DMD: variants seen among roughly 807,000 people sequenced by gnomAD.
The protein encoded by DMD is dystrophin, also known as mutant dystrophin.
In DMD, 63 loss-of-function variants were observed where a neutral mutation model predicts 330.1. That is an observed-to-expected ratio of 0.19 (90% CI 0.16 to 0.24). The LOEUF (loss-of-function observed/expected upper bound fraction) is 0.24. Among genes scored for constraint, DMD ranks in the 10% least tolerant of loss-of-function variants. The pLI, the probability that DMD is intolerant of heterozygous loss-of-function variation, is 1.00. For synonymous variants in DMD, 1,223 were observed against 959.8 expected (o/e 1.27, Z -5.07); for missense variants, 3,344 against 2,684.1 (o/e 1.25, Z -5.43).
At chrX:32,524,641 G>A (rs992451085) in intron 17 of DMD, among the ~76,000 whole-genome samples, 1 of 112,406 alleles carries the variant, frequency 8.9e-6, no homozygotes, top group Non-Finnish European at 1.9e-5. Flanking sequence ...CATGGTAACT[G>A]TCTGTTTGCT....
chrX:32,543,330 CTT>C (rs756531179), intron 17 of DMD, among the ~76,000 whole-genome samples: 1 of 103,763 alleles, frequency 9.6e-6, no homozygotes, highest in African/African-American at 3.5e-5. Flanking sequence ...TCAGAACACA[CTT>C]TTTTTTTTTT....
In DMD at chrX:31,519,953, A is replaced by G. The variant is rs147472280; in HGVS notation, c.8218-12500T>C. Among the ~76,000 whole-genome samples the G allele has an allele frequency of 1.1e-4, 12 of 111,402 alleles. No individual in the cohort carries two copies. In the East Asian group the frequency reaches 3.1e-3, roughly 29 times the overall value. ...TGTGCCTAGATAGTTCTTTCATCCT[A>G]TTTTGCTTTTCTTCTCTTATACAAT... On this transcript the variant is annotated intron_variant, in intron 55 of 78. Transcript: ENST00000357033.
At chrX:32,740,654 C>G (rs1296785399) in intron 7 of DMD, among the ~76,000 whole-genome samples, 1 of 111,104 alleles carries the variant, frequency 9.0e-6, no homozygotes, top group South Asian at 3.8e-4. Flanking sequence ...CAAAATTGGC[C>G]TCGAATCTCA....
At chrX:31,381,917 G>A (rs906147467) in intron 60 of DMD, among the ~76,000 whole-genome samples, 6 of 111,261 alleles carry the variant, frequency 5.4e-5, no homozygotes, top group Non-Finnish European at 9.4e-5. Context: ...ATTTGCCCCC[G>A]CCCAGGACTG....
At chrX:33,139,440 A>G (rs192507497) in intron 1 of DMD, among the ~76,000 whole-genome samples, 35 of 111,216 alleles carry the variant, frequency 3.1e-4, no homozygotes, top group African/African-American at 1.1e-3. Flanking sequence ...TCTGTCTCCC[A>G]AGTAGCTGAG....
At chrX:32,486,849 T>C (rs746878195) in intron 20 of DMD, among the ~76,000 whole-genome samples, 2 of 105,930 alleles carry the variant, frequency 1.9e-5, no homozygotes, top group Admixed American at 2.1e-4. Context: ...CAAAAATCAA[T>C]TCAAGATGGA....
intron 44 of DMD, among the ~76,000 whole-genome samples, chrX:32,197,865 G>C (rs1415940898): frequency 2.7e-5 from 3 of 111,000 alleles, no homozygotes; most frequent in Non-Finnish European, 5.7e-5. Context: ...GACTCTCTTA[G>C]TAATTTTCGA....
At chrX:32,759,817 T>C (rs749992609) in intron 7 of DMD, among the ~76,000 whole-genome samples, 2 of 82,663 alleles carry the variant, frequency 2.4e-5, no homozygotes, top group Admixed American at 1.7e-4. Context: ...CTGGATCTTA[T>C]GTTTAAGGCA....
intron 75 of DMD, 79 bp from the exon 76 acceptor site, chrX:31,146,493 T>G (rs2036715125): frequency 1.9e-6 from 2 of 1,036,037 alleles, no homozygotes; most frequent in African/African-American, 3.7e-5. Flanking sequence ...TGATACACAC[T>G]CAGGACTCAT....
At chrX:32,163,751 C>A (rs1345690245) in intron 44 of DMD, among the ~76,000 whole-genome samples, 1 of 111,338 alleles carries the variant, frequency 9.0e-6, no homozygotes, top group Non-Finnish European at 1.9e-5. Context: ...CTGAATAAAG[C>A]ATAGATTGTA....
intron 41 of DMD, among the ~76,000 whole-genome samples, chrX:32,332,277 T>C (rs751601745): frequency 2.5e-4 from 28 of 111,178 alleles, no homozygotes; most frequent in Admixed American, 4.8e-4. Context: ...AGACAATTTT[T>C]TTTTGCATTG....
chrX:31,515,517 T>G (rs1384056519), intron 55 of DMD, among the ~76,000 whole-genome samples: 1 of 109,190 alleles, frequency 9.2e-6, no homozygotes, highest in African/African-American at 3.4e-5. Flanking sequence ...ACTGATAATT[T>G]TTATCTAATT....
At chrX:33,023,425 T>C (rs1268751922) in intron 1 of DMD, among the ~76,000 whole-genome samples, 1 of 111,801 alleles carries the variant, frequency 8.9e-6, no homozygotes, top group Non-Finnish European at 1.9e-5. Context: ...CCACTTCTAC[T>C]GGTAGCAGAA....
chrX:32,004,355 C>T (rs1173428338), intron 44 of DMD, among the ~76,000 whole-genome samples: 1 of 111,639 alleles, frequency 9.0e-6, no homozygotes, highest in African/African-American at 3.2e-5. Context: ...ACAGAACCAA[C>T]AAGATGCAAA....
intron 59 of DMD, among the ~76,000 whole-genome samples, chrX:31,461,047 C>T (rs2066497661): frequency 1.8e-5 from 2 of 111,179 alleles, no homozygotes; most frequent in African/African-American, 6.5e-5. Flanking sequence ...AGAAAAGAAG[C>T]CATTTATTCA....
chrX:33,140,092 A>G (rs753785818), intron 1 of DMD, among the ~76,000 whole-genome samples: 4 of 111,588 alleles, frequency 3.6e-5, no homozygotes, highest in Non-Finnish European at 7.5e-5. Flanking sequence ...CTATAAATTG[A>G]AAGTATCATG....
chrX:31,135,376 A>AT (rs1259016290), intron 76 of DMD, among the ~76,000 whole-genome samples: 2 of 112,538 alleles, frequency 1.8e-5, no homozygotes, highest in African/African-American at 6.4e-5. Context: ...TATATATCCT[A>AT]TATAGGTAAT....
At chrX:33,309,188 A>G (rs1292697585) in intron 1 of DMD, among the ~76,000 whole-genome samples, 1 of 111,829 alleles carries the variant, frequency 8.9e-6, no homozygotes, top group African/African-American at 3.2e-5. Context: ...CTGCATTTGC[A>G]TAATTCACGG....
At chrX:32,266,079 T>C (rs1198135717) in intron 43 of DMD, among the ~76,000 whole-genome samples, 2 of 111,926 alleles carry the variant, frequency 1.8e-5, no homozygotes, top group Non-Finnish European at 3.8e-5. Flanking sequence ...TTCTGAATTG[T>C]AGTTCCTGTA....
Sources: allele counts gnomAD v4.1 joint callset (sites outside exome capture counted in the v4.1 genomes callset), GRCh38; gene constraint gnomAD v4.1.1; transcripts MANE v1.5; gene names NCBI Gene and HGNC (gene_info 2026-07-23, HGNC 2026-07-21).